The following RBPJ variants were observed in gnomAD, a reference collection of about 807,000 sequenced individuals.
The protein encoded by RBPJ is recombination signal binding protein for immunoglobulin kappa J region.
RBPJ carries 9 observed loss-of-function variants against 67.8 expected under a neutral mutation model. That is an observed-to-expected ratio of 0.13 (90% CI 0.08 to 0.23). The LOEUF (loss-of-function observed/expected upper bound fraction) is 0.23. Ranked by LOEUF, RBPJ falls within the 10% of genes least tolerant of loss-of-function variation. RBPJ has a pLI of 1.00. For synonymous variants in RBPJ, 198 were observed against 203.3 expected (o/e 0.97, Z 0.22); for missense variants, 305 against 595.6 (o/e 0.51, Z 5.08).
intron 1 of RBPJ, among the ~76,000 whole-genome samples, chr4:26,297,971 G>A (rs1462090122): frequency 6.6e-6 from 1 of 151,788 alleles, no homozygotes; most frequent in Non-Finnish European, 1.5e-5. Context: ...TGGAAGGGAG[G>A]TACTATTTTA....
At chr4:26,130,439 G>A in the RBPJ span, among the ~76,000 whole-genome samples, 22 of 152,228 alleles carry the variant, frequency 1.4e-4, no homozygotes, top group African/African-American at 5.3e-4. Flanking sequence ...GTCAGCTTCT[G>A]TGGGCAGGGA....
intron 1 of RBPJ, among the ~76,000 whole-genome samples, chr4:26,232,493 C>T (rs1438871521): frequency 6.6e-6 from 1 of 152,168 alleles, no homozygotes; most frequent in Non-Finnish European, 1.5e-5. Context: ...CCTAGGGTTA[C>T]AGACATGAGC....
chr4:26,283,061 G>T (rs1721331832), intron 1 of RBPJ, among the ~76,000 whole-genome samples: 1 of 147,852 alleles, frequency 6.8e-6, no homozygotes, highest in Non-Finnish European at 1.5e-5. Flanking sequence ...CTCCCAAGTA[G>T]CTGGGATTAC....
intron 1 of RBPJ, among the ~76,000 whole-genome samples, chr4:26,228,637 G>A (rs1011934059): frequency 1.3e-5 from 2 of 152,150 alleles, no homozygotes; most frequent in Non-Finnish European, 2.9e-5. Flanking sequence ...AGAACACAAC[G>A]TGTTACTAGT....
At chr4:26,196,371 C>T (rs1012501730) in intron 1 of RBPJ, among the ~76,000 whole-genome samples, 1 of 152,074 alleles carries the variant, frequency 6.6e-6, no homozygotes, top group African/African-American at 2.4e-5. Context: ...TATGAAATGT[C>T]CAGAAGAGGT....
intron 1 of RBPJ, among the ~76,000 whole-genome samples, chr4:26,206,476 TTAAC>T (rs1174067874): frequency 6.6e-6 from 1 of 152,176 alleles, no homozygotes; most frequent in Non-Finnish European, 1.5e-5. Context: ...AGGCTCTAGG[TTAAC>T]TTCTGGAAGT....
chr4:26,155,263 T>A, the RBPJ span, among the ~76,000 whole-genome samples: 2 of 152,084 alleles, frequency 1.3e-5, no homozygotes, highest in African/African-American at 4.8e-5. Flanking sequence ...TATAAAAACA[T>A]TTTCTAAGTG....
At chr4:26,381,023 G>GTT (rs1190067023) in intron 1 of RBPJ, among the ~76,000 whole-genome samples, 1 of 140,948 alleles carries the variant, frequency 7.1e-6, no homozygotes, top group Non-Finnish European at 1.5e-5. Context: ...TTTGCTTTTT[G>GTT]GTTTTTTTTT....
the RBPJ span, among the ~76,000 whole-genome samples, chr4:26,127,825 T>C: frequency 6.6e-6 from 1 of 151,918 alleles, no homozygotes; most frequent in Non-Finnish European, 1.5e-5. Flanking sequence ...CCTAAAGAGG[T>C]TGGCCTCCCA....
At chr4:26,364,608 T>C (rs1447357232) in intron 1 of RBPJ, among the ~76,000 whole-genome samples, 4 of 151,400 alleles carry the variant, frequency 2.6e-5, no homozygotes, top group Non-Finnish European at 4.4e-5. Flanking sequence ...CTTTTTTTTT[T>C]TTTTCTTTTT....
At chr4:26,337,902 T>C (rs1054254519) in intron 1 of RBPJ, among the ~76,000 whole-genome samples, 3 of 151,814 alleles carry the variant, frequency 2.0e-5, no homozygotes, top group Non-Finnish European at 2.9e-5. Flanking sequence ...GCCCAGGCTG[T>C]CTATTCATTT....
intron 1 of RBPJ, among the ~76,000 whole-genome samples, chr4:26,271,837 GCA>G (rs1165959824): frequency 6.6e-6 from 1 of 152,122 alleles, no homozygotes; most frequent in Non-Finnish European, 1.5e-5. Flanking sequence ...CATTCATTCT[GCA>G]CAGTGTCACT....
chr4:26,215,039 G>A (rs201660503), intron 1 of RBPJ, among the ~76,000 whole-genome samples: 1 of 21,058 alleles, frequency 4.7e-5, no homozygotes, highest in Non-Finnish European at 1.1e-4. Flanking sequence ...AAAAGAAAGA[G>A]GGAGGGAGGG....
intron 1 of RBPJ, among the ~76,000 whole-genome samples, chr4:26,227,939 C>T (rs1344347743): frequency 6.6e-6 from 1 of 152,250 alleles, no homozygotes; most frequent in Non-Finnish European, 1.5e-5. Flanking sequence ...TGCCTGTCTC[C>T]AGGCTTCACG....
intron 1 of RBPJ, among the ~76,000 whole-genome samples, chr4:26,342,125 C>T (rs374128641): frequency 1.3e-5 from 2 of 152,106 alleles, no homozygotes; most frequent in Non-Finnish European, 2.9e-5. Context: ...CAAGAATTTG[C>T]GTTTCTAGCA....
intron 1 of RBPJ, among the ~76,000 whole-genome samples, chr4:26,282,134 C>CTTTTTTTTTTTTTTT (rs758435674): frequency 7.9e-6 from 1 of 126,592 alleles, no homozygotes; most frequent in Non-Finnish European, 1.6e-5. Context: ...CTCTCTCTCT[C>CTTTTTTTTTTTTTTT]TCTTTTTTTT....
chr4:26,415,483 G>A lies in RBPJ; in HGVS notation c.164G>A (p.Cys55Tyr). 1 of 1,554,418 alleles carries A rather than the reference G, an allele frequency of 6.4e-7. No individual in the cohort carries two copies. The highest frequency in any genetic ancestry group is 8.6e-7 in the Non-Finnish European group (1 of 1,157,720). Residue 55 changes from cysteine to tyrosine, a missense_variant, in exon 4 of 11, where the codon TGC becomes TAC. Around this residue, in one of 7 missense-constraint regions of RBPJ, gnomAD observed 79 missense variants for 106.2 expected, o/e 0.74. Coordinates refer to ENST00000355476, the MANE Select transcript of RBPJ (RefSeq NM_015874.6). ...CCCCTATTATTCTTCAGGTTTTTTT[G>A]CCCACCTCCTTGTGTATATCTTATG... The part of the protein sequence containing the change: ...KSYGNEKRFF[C>Y]PPPCVYLMGS...
the RBPJ span, among the ~76,000 whole-genome samples, chr4:26,109,513 T>C: frequency 0.032 from 1,524 of 47,384 alleles, 291 homozygotes; most frequent in African/African-American, 0.16. Context: ...TATATATATA[T>C]ACACACACAC....
intron 1 of RBPJ, among the ~76,000 whole-genome samples, chr4:26,337,158 A>G (rs1267183872): frequency 2.0e-5 from 3 of 148,350 alleles, no homozygotes; most frequent in Non-Finnish European, 3.0e-5. Flanking sequence ...TTAAATAAAG[A>G]CAGGGTTTCA....
Sources: gnomAD v4.1 joint callset for allele counts (sites outside exome capture counted in the v4.1 genomes callset) on GRCh38, gnomAD v4.1.1 for gene constraint, gnomAD v4.1.1 regional missense constraint, MANE v1.5 for transcripts, NCBI Gene and HGNC (gene_info 2026-07-23, HGNC 2026-07-21) for gene names.